ITFG1: variants seen among roughly 807,000 people sequenced by gnomAD.
ITFG1 encodes T-cell immunomodulatory protein.
ITFG1 carries 34 observed loss-of-function variants against 81.8 expected under a neutral mutation model. That is an observed-to-expected ratio of 0.42 (90% CI 0.32 to 0.55). ITFG1 has a LOEUF of 0.55. Among genes scored for constraint, ITFG1 ranks in the 20% least tolerant of loss-of-function variants. The probability of loss-of-function intolerance (pLI) is 0.17; values close to 1 mark genes in which losing one functional copy is unlikely to be tolerated. For missense variants in ITFG1, 672 were observed against 755.4 expected (o/e 0.89, Z 1.29); for synonymous variants, 285 against 270.6 (o/e 1.05, Z -0.52).
At chr16:47,240,340 T>C (rs1596828342) in intron 12 of ITFG1, among the ~76,000 whole-genome samples, 1 of 145,738 alleles carries the variant, frequency 6.9e-6, no homozygotes, top group Non-Finnish European at 1.5e-5. Context: ...CAATAAGTGG[T>C]GCTGGATAAT....
chr16:47,284,994 C>G (rs781461536), intron 10 of ITFG1, among the ~76,000 whole-genome samples: 2 of 152,120 alleles, frequency 1.3e-5, no homozygotes, highest in Non-Finnish European at 2.9e-5. Flanking sequence ...CTACACATGT[C>G]AAGTATTATT....
intron 8 of ITFG1, among the ~76,000 whole-genome samples, chr16:47,331,592 C>T (rs1379821951): frequency 6.6e-6 from 1 of 152,182 alleles, no homozygotes; most frequent in Non-Finnish European, 1.5e-5. Context: ...TTATACTCTT[C>T]TTTCATTGAA....
intron 14 of ITFG1, among the ~76,000 whole-genome samples, chr16:47,185,497 G>A (rs1249934211): frequency 2.0e-5 from 3 of 152,110 alleles, no homozygotes; most frequent in Non-Finnish European, 4.4e-5. Context: ...TGAACAACCT[G>A]CTCCTGAATG....
intron 6 of ITFG1, among the ~76,000 whole-genome samples, chr16:47,393,546 C>T (rs1968557458): frequency 6.6e-6 from 1 of 152,022 alleles, no homozygotes; most frequent in Admixed American, 6.6e-5. Context: ...GACTGGCCAA[C>T]TTGGCAAAAC....
chr16:47,328,912 T>C (rs1967600029), intron 8 of ITFG1, among the ~76,000 whole-genome samples: 1 of 152,258 alleles, frequency 6.6e-6, no homozygotes, highest in South Asian at 2.1e-4. Context: ...TTTATACATT[T>C]ATTCACACCC....
At chr16:47,183,083 A>C (rs1194583035) in intron 14 of ITFG1, among the ~76,000 whole-genome samples, 3 of 152,240 alleles carry the variant, frequency 2.0e-5, no homozygotes, top group African/African-American at 7.2e-5. Context: ...ACGGCGCACA[A>C]GAGATTATAT....
intron 6 of ITFG1, among the ~76,000 whole-genome samples, chr16:47,387,459 CTA>C (rs1968476678): frequency 6.6e-6 from 1 of 152,100 alleles, no homozygotes; most frequent in South Asian, 2.1e-4. Context: ...CTCTTGTGCC[CTA>C]TATCTGGGCA....
intron 10 of ITFG1, among the ~76,000 whole-genome samples, chr16:47,267,239 G>C (rs916701430): frequency 6.6e-6 from 1 of 152,172 alleles, no homozygotes; most frequent in African/African-American, 2.4e-5. Context: ...GATATAGCAA[G>C]TTAAGGCAAA....
intron 14 of ITFG1, among the ~76,000 whole-genome samples, chr16:47,163,293 G>A (rs1183579159): frequency 6.6e-6 from 1 of 152,126 alleles, no homozygotes; most frequent in Non-Finnish European, 1.5e-5. Flanking sequence ...AGCCATGTCT[G>A]TTTCCAACCT....
intron 13 of ITFG1, among the ~76,000 whole-genome samples, chr16:47,222,656 G>A (rs1311120290): frequency 5.3e-5 from 8 of 151,980 alleles, no homozygotes; most frequent in African/African-American, 9.7e-5. Context: ...CTCGTGATCC[G>A]CCTGCCTCGG....
intron 13 of ITFG1, among the ~76,000 whole-genome samples, chr16:47,229,175 A>G (rs2151530919): frequency 6.6e-6 from 1 of 152,312 alleles, no homozygotes; most frequent in Non-Finnish European, 1.5e-5. Context: ...AACTATAATA[A>G]GTGACAGTAG....
chr16:47,379,524 C>T (rs1286336581), intron 6 of ITFG1, among the ~76,000 whole-genome samples: 1 of 151,952 alleles, frequency 6.6e-6, no homozygotes, highest in Non-Finnish European at 1.5e-5. Flanking sequence ...TCCGTCTCTA[C>T]TAAAAAGACA....
In ITFG1 at chr16:47,181,272, CGTCTGGGAAGTGAGGAGCGTCTCT is replaced by C. The variant is rs772436162; in HGVS notation, c.1454-18632_1454-18609del. 3.7e-3 allele frequency among the ~76,000 whole-genome samples: 543 copies of C among 148,026 alleles called. 4 individuals carry two copies. The highest frequency in any genetic ancestry group is 0.013 in the African/African-American group (501 of 39,888). ...GAGCCCCTCCGCCCGGCAGCCACCCCGTCTGGGAAGTGAGGAGCGTCTCTGTCTGGGAAGTGAGGAGCGTCTCCG... is the reference window on the plus strand; with the variant it reads ...GAGCCCCTCCGCCCGGCAGCCACCCCGTCTGGGAAGTGAGGAGCGTCTCCG... On this transcript the variant is annotated intron_variant, in intron 14 of 17. Coordinates refer to ENST00000320640, the MANE Select transcript of ITFG1 (RefSeq NM_030790.5).
In ITFG1 at chr16:47,257,406, A is replaced by C. The variant is rs1025800691; in HGVS notation, c.1330+1226T>G. Among the ~76,000 whole-genome samples the C allele has an allele frequency of 2.6e-5, 4 of 152,334 alleles. No individual in the cohort carries two copies. In the Middle Eastern group the frequency reaches 0.01, roughly 389 times the overall value. Reference sequence around the variant, plus strand: ...CCATCTTAAAGAAAATAAAATACTTAGGCATGCACTTAACAAAACATGTAC... The same window carrying C: ...CCATCTTAAAGAAAATAAAATACTTCGGCATGCACTTAACAAAACATGTAC... On this transcript the variant is annotated intron_variant, in intron 12 of 17. Coordinates refer to ENST00000320640, the MANE Select transcript of ITFG1 (RefSeq NM_030790.5).
rs1235865329 is a variant in ITFG1, at chr16:47,194,837, C to T, written c.1453+24031G>A. ...AACCCATCATCTAGGTTTCAAGCCCCACATATATTAGGTATTTGTTCTAAT... is the reference window on the plus strand; with the variant it reads ...AACCCATCATCTAGGTTTCAAGCCCTACATATATTAGGTATTTGTTCTAAT... On this transcript the variant is annotated intron_variant, in intron 14 of 17. Transcript: ENST00000320640. Among the ~76,000 whole-genome samples the T allele has an allele frequency of 2.6e-5, 4 of 152,028 alleles. No homozygotes were observed. The East Asian group carries it at 5.8e-4, about 22-fold the overall frequency.
At chr16:47,181,111 C>A (rs963867847) in intron 14 of ITFG1, among the ~76,000 whole-genome samples, 1 of 149,442 alleles carries the variant, frequency 6.7e-6, no homozygotes, top group South Asian at 2.1e-4. Context: ...TCTGCCCGGC[C>A]GCCCATCGTC....
intron 8 of ITFG1, among the ~76,000 whole-genome samples, chr16:47,321,448 C>A (rs1379247721): frequency 1.3e-5 from 2 of 152,004 alleles, no homozygotes; most frequent in Non-Finnish European, 2.9e-5. Flanking sequence ...TTTAAAAATC[C>A]ATTTACTTTT....
chr16:47,340,247 T>C (rs917855844), intron 8 of ITFG1, among the ~76,000 whole-genome samples: 3 of 152,134 alleles, frequency 2.0e-5, no homozygotes, highest in Admixed American at 6.5e-5. Context: ...TAAAAGCATA[T>C]ACCTGGGCAA....
intron 6 of ITFG1, among the ~76,000 whole-genome samples, chr16:47,421,924 T>G (rs929508105): frequency 2.6e-5 from 4 of 152,146 alleles, no homozygotes; most frequent in Non-Finnish European, 5.9e-5. Flanking sequence ...TGAGAACATG[T>G]GGTGTTTGGT....
Sources: gnomAD v4.1 joint callset for allele counts (sites outside exome capture counted in the v4.1 genomes callset) on GRCh38, gnomAD v4.1.1 for gene constraint, MANE v1.5 for transcripts, NCBI Gene and HGNC (gene_info 2026-07-23, HGNC 2026-07-21) for gene names.